PCSK6: variants seen among roughly 807,000 people sequenced by gnomAD.
The protein encoded by PCSK6 is proprotein convertase subtilisin/kexin type 6.
PCSK6 carries 85 observed loss-of-function variants against 123.3 expected under a neutral mutation model. That is an observed-to-expected ratio of 0.69 (90% confidence interval 0.58 to 0.83). The LOEUF (loss-of-function observed/expected upper bound fraction) is 0.83, where lower values mean the gene tolerates loss of function less well. Among genes scored for constraint, PCSK6 ranks in the 40% least tolerant of loss-of-function variants. The pLI is 0.00. For synonymous variants in PCSK6, 508 were observed against 516.0 expected (o/e 0.98, Z 0.21); for missense variants, 1,191 against 1,282.3 (o/e 0.93, Z 1.09).
At position 101,307,339 on chromosome 15, in the gene PCSK6, C is replaced by A; in HGVS notation, c.2700-14G>T. 1 of 1,597,062 alleles carries A rather than the reference C, an allele frequency of 6.3e-7. No individual in the cohort carries two copies. The highest frequency in any genetic ancestry group is 8.6e-7 in the Non-Finnish European group (1 of 1,167,722). ...TTCTCGTCACACCTGTGGGAAGATACCGTTCCTGCTGAAGTCTGGGGAAGA... is the reference window on the plus strand; with the variant it reads ...TTCTCGTCACACCTGTGGGAAGATAACGTTCCTGCTGAAGTCTGGGGAAGA... On this transcript the variant is annotated splice_polypyrimidine_tract_variant and intron_variant, in intron 20 of 21. Coordinates refer to ENST00000611716, the MANE Select transcript of PCSK6 (RefSeq NM_002570.5).
At chr15:101,409,370 G>C (rs989682604) in intron 6 of PCSK6, among the ~76,000 whole-genome samples, 1 of 152,132 alleles carries the variant, frequency 6.6e-6, no homozygotes, top group Non-Finnish European at 1.5e-5. Context: ...CGGATCACGA[G>C]GTCAGGAGAT....
At position 101,332,083 on chromosome 15, in the gene PCSK6, A is replaced by C. The variant is rs2040383452; in HGVS notation, c.1859-52T>G. ...ACCTGCCTGTGCCAAGACCTCTGTC[A>C]CTCACAGAAATAAGCCAGATGCTGC... On this transcript the variant is annotated intron_variant, in intron 13 of 21. Coordinates refer to ENST00000611716, the MANE Select transcript of PCSK6 (RefSeq NM_002570.5). The C allele has an allele frequency of 2.0e-6, 3 of 1,499,352 alleles. No individual in the cohort carries two copies. The East Asian group carries it at 7.0e-5, about 35-fold the overall frequency. 92.9% of individuals were successfully genotyped at this position (1,499,352 alleles called of 1,614,324 possible). A position where few individuals can be genotyped will look rare whatever the true frequency, so the allele number is the denominator to read the frequency against.
intron 17 of PCSK6, among the ~76,000 whole-genome samples, chr15:101,322,904 T>C (rs765697667): frequency 6.6e-5 from 10 of 152,026 alleles, no homozygotes; most frequent in Non-Finnish European, 1.0e-4. Context: ...CTGAGTAGAG[T>C]TTAACGAGGT....
At chr15:101,403,170 G>A (rs1282707335) in intron 6 of PCSK6, among the ~76,000 whole-genome samples, 2 of 148,736 alleles carry the variant, frequency 1.3e-5, no homozygotes, top group African/African-American at 2.5e-5. Flanking sequence ...CTATCGCAAG[G>A]ACAAAAAACC....
intron 11 of PCSK6, 110 bp from the exon 12 acceptor site, chr15:101,370,633 C>T (rs917971532): frequency 2.9e-6 from 3 of 1,038,764 alleles, no homozygotes; most frequent in Admixed American, 7.4e-5. Context: ...GCCTCAGGGC[C>T]CTGCGGGCCC....
At position 101,322,564 on chromosome 15, in the gene PCSK6, G is replaced by A. The variant is rs558140987; in HGVS notation, c.2421C>T (p.Cys807=). 1.0e-4 allele frequency: 166 copies of A among 1,613,612 alleles called. No homozygotes were observed. Among genetic ancestry groups the A allele is most frequent in the Non-Finnish European group, 1.3e-4 (150 of 1,179,636 alleles). Residue 807 remains cysteine (C), a synonymous_variant, in exon 18 of 22, where the codon TGC becomes TGT. Coordinates refer to ENST00000611716, the MANE Select transcript of PCSK6 (RefSeq NM_002570.5). ...CLKCHPSCKK[C]VDEPEKCTVC... is the part of the protein sequence containing the mutation. The stretch of plus-strand genomic sequence containing the variant: ...CAGTACATTTCTCAGGTTCATCCAC[G>A]CACTTTTTACAGCTTGGGTGGCATT...
rs149400000 is a variant in PCSK6, at chr15:101,357,467, C to T, written c.1858+8729G>A. On this transcript the variant is annotated intron_variant, in intron 13 of 21. Coordinates refer to ENST00000611716, the MANE Select transcript of PCSK6 (RefSeq NM_002570.5). ...CTGAATCCTGGAGCTAGAGGGCAAC[C>T]TAGGTCTTCTCTGTCACCTTCCCAG... 2.0e-5 allele frequency among the ~76,000 whole-genome samples: 3 copies of T among 152,358 alleles called. No individual in the cohort carries two copies. The East Asian group carries it at 5.8e-4, about 29-fold the overall frequency.
At chr15:101,468,921 C>T (rs2141229015) in intron 1 of PCSK6, among the ~76,000 whole-genome samples, 1 of 152,308 alleles carries the variant, frequency 6.6e-6, no homozygotes, top group South Asian at 2.1e-4. Flanking sequence ...ATGATTGTTG[C>T]AATCATATTT....
intron 9 of PCSK6, among the ~76,000 whole-genome samples, chr15:101,389,010 A>C (rs1014314439): frequency 1.3e-4 from 20 of 152,302 alleles, no homozygotes; most frequent in African/African-American, 4.8e-4. Context: ...AAGGCCTTTA[A>C]AAAGGTAATT....
intron 20 of PCSK6, chr15:101,312,890 A>G: frequency 3.3e-6 from 1 of 303,436 alleles, no homozygotes; most frequent in Non-Finnish European, 5.1e-6. Context: ...CTGTAGTCCC[A>G]GCTACTCGGG....
Position 101,388,005 on chromosome 15 carries a change from C to T in PCSK6, c.1310+1459G>A, listed in dbSNP as rs180827547. The stretch of plus-strand genomic sequence containing the variant: ...GAGCTAACATGATGAGGAAGATGAC[C>T]GTCTGAGCTTTCACATGCCCACTGA... On this transcript the variant is annotated intron_variant, in intron 9 of 21. Transcript: ENST00000611716. Among the ~76,000 whole-genome samples, 496 of 152,312 alleles carry T rather than the reference C, an allele frequency of 3.3e-3. 1 individual carries two copies. The highest frequency in any genetic ancestry group is 5.8e-3 in the Non-Finnish European group (392 of 68,028).
intron 19 of PCSK6, among the ~76,000 whole-genome samples, chr15:101,314,874 G>A (rs1234237388): frequency 2.6e-5 from 4 of 152,190 alleles, no homozygotes; most frequent in African/African-American, 9.7e-5. Flanking sequence ...TGTTGTTCTG[G>A]AGCAGAGGCT....
intron 1 of PCSK6, among the ~76,000 whole-genome samples, chr15:101,454,971 TG>T (rs1289204771): frequency 0.056 from 8,411 of 151,040 alleles, 742 homozygotes; most frequent in African/African-American, 0.19. Context: ...AATGAATGAA[TG>T]AATGAATGAA....
At chr15:101,414,703 T>A (rs1050253101) in intron 6 of PCSK6, among the ~76,000 whole-genome samples, 1 of 152,016 alleles carries the variant, frequency 6.6e-6, no homozygotes, top group South Asian at 2.1e-4. Flanking sequence ...AGAAACTACA[T>A]CTAACCAGCA....
At chr15:101,419,038 G>C (rs895189181) in intron 6 of PCSK6, among the ~76,000 whole-genome samples, 3 of 152,042 alleles carry the variant, frequency 2.0e-5, no homozygotes, top group African/African-American at 7.3e-5. Flanking sequence ...TCCTGTATAA[G>C]TCAGAAATCA....
chr15:101,366,169 G>A, intron 13 of PCSK6, 27 bp downstream of exon 13: 2 of 1,601,190 alleles, frequency 1.2e-6, no homozygotes, highest in Non-Finnish European at 1.7e-6. Flanking sequence ...TACAAAAGCT[G>A]TCATGAGATT....
At chr15:101,338,170 T>C in intron 13 of PCSK6, among the ~76,000 whole-genome samples, 1 of 152,124 alleles carries the variant, frequency 6.6e-6, no homozygotes, top group Non-Finnish European at 1.5e-5. Flanking sequence ...GCAAATCAGT[T>C]ACTTGATAAG....
chr15:101,366,507 T>C (rs2041396938), intron 12 of PCSK6, among the ~76,000 whole-genome samples, 175 bp from the exon 13 acceptor site: 1 of 152,052 alleles, frequency 6.6e-6, no homozygotes, highest in African/African-American at 2.4e-5. Flanking sequence ...TGAAATGTGA[T>C]CGTCTTTAAG....
chr15:101,410,520 T>A (rs1395613415), intron 6 of PCSK6, among the ~76,000 whole-genome samples: 1 of 152,156 alleles, frequency 6.6e-6, no homozygotes, highest in Non-Finnish European at 1.5e-5. Flanking sequence ...CCTCTCTCGC[T>A]CCCTCCTGTG....
Sources: gnomAD v4.1 joint callset for allele counts (sites outside exome capture counted in the v4.1 genomes callset) on GRCh38, gnomAD v4.1.1 for gene constraint, MANE v1.5 for transcripts, NCBI Gene and HGNC (gene_info 2026-07-23, HGNC 2026-07-21) for gene names.